The following LOC400499 variants were observed in gnomAD, a reference collection of about 807,000 sequenced individuals.
the LOC400499 span, among the ~76,000 whole-genome samples, chr16:11,519,416 C>T: frequency 1.3e-5 from 2 of 151,878 alleles, no homozygotes; most frequent in East Asian, 1.9e-4. Flanking sequence ...TGGAAAATAT[C>T]CTCCCTAAAT....
chr16:11,372,750 A>T, the LOC400499 span: 1 of 983,038 alleles, frequency 1.0e-6, no homozygotes, highest in African/African-American at 1.7e-5. Flanking sequence ...TGTAAAGGAG[A>T]GAGAAAAGTA....
At chr16:11,407,968 C>CTCTTTTT in the LOC400499 span, among the ~76,000 whole-genome samples, 2 of 116,200 alleles carry the variant, frequency 1.7e-5, no homozygotes, top group African/African-American at 6.8e-5. Context: ...TGTTCCAGAG[C>CTCTTTTT]TGTTTTTTTT....
At chr16:11,446,386 G>A in the LOC400499 span, among the ~76,000 whole-genome samples, 4 of 151,998 alleles carry the variant, frequency 2.6e-5, no homozygotes, top group Non-Finnish European at 4.4e-5. Flanking sequence ...TCAAACTCCT[G>A]GTCTTAAGCG....
At chr16:11,444,509 G>T in the LOC400499 span, among the ~76,000 whole-genome samples, 1 of 152,174 alleles carries the variant, frequency 6.6e-6, no homozygotes, top group Non-Finnish European at 1.5e-5. Flanking sequence ...CGTTCATTAC[G>T]TATTATTCAC....
the LOC400499 span, chr16:11,383,541 A>C: frequency 8.5e-7 from 1 of 1,174,082 alleles, no homozygotes. Flanking sequence ...TTGAATGACA[A>C]TTATTTGTCC....
chr16:11,386,211 C>G, the LOC400499 span, among the ~76,000 whole-genome samples: 829 of 152,196 alleles, frequency 5.4e-3, 7 homozygotes, highest in African/African-American at 0.019. Flanking sequence ...AGAAGGAGGT[C>G]TGACCAGTCT....
At chr16:11,507,405 C>A in the LOC400499 span, among the ~76,000 whole-genome samples, 1 of 152,190 alleles carries the variant, frequency 6.6e-6, no homozygotes, top group Non-Finnish European at 1.5e-5. Flanking sequence ...TCGGTGTCCA[C>A]AGCACCCAGG....
chr16:11,389,685 CAAAA>C, the LOC400499 span, among the ~76,000 whole-genome samples: 36 of 59,058 alleles, frequency 6.1e-4, no homozygotes, highest in African/African-American at 1.5e-3. Flanking sequence ...AACTCCATCT[CAAAA>C]AAAAAAAAAA....
At chr16:11,438,607 CAAAAAAAAAAAA>C in the LOC400499 span, among the ~76,000 whole-genome samples, 2 of 59,850 alleles carry the variant, frequency 3.3e-5, no homozygotes, top group Non-Finnish European at 6.0e-5. Context: ...CCTGTCTCTG[CAAAAAAAAAAAA>C]AAAAAAAAAA....
At chr16:11,456,396 G>T in the LOC400499 span, among the ~76,000 whole-genome samples, 1 of 151,976 alleles carries the variant, frequency 6.6e-6, no homozygotes. Flanking sequence ...GAGACACAAA[G>T]ATCTGCAAAT....
At chr16:11,391,039 T>C in the LOC400499 span, among the ~76,000 whole-genome samples, 122,049 of 152,214 alleles carry the variant, frequency 0.8, 49,907 homozygotes, top group Middle Eastern at 0.91. Flanking sequence ...AAATCACAGC[T>C]GTGAATAGCG....
chr16:11,417,497 T>G, the LOC400499 span: 4 of 397,552 alleles, frequency 1.0e-5, no homozygotes, highest in Non-Finnish European at 1.3e-5. Flanking sequence ...CAAGGCTGTC[T>G]TGGTTGTCCT....
At chr16:11,428,993 C>T in the LOC400499 span, among the ~76,000 whole-genome samples, 10 of 151,996 alleles carry the variant, frequency 6.6e-5, no homozygotes, top group Admixed American at 2.0e-4. Flanking sequence ...CTAGGAAAAT[C>T]CGGCACTGAA....
At chr16:11,515,439 G>A in the LOC400499 span, among the ~76,000 whole-genome samples, 1 of 152,038 alleles carries the variant, frequency 6.6e-6, no homozygotes, top group African/African-American at 2.4e-5. Flanking sequence ...CTGGGTGACA[G>A]AGTGGGACTC....
At chr16:11,408,620 C>T in the LOC400499 span, among the ~76,000 whole-genome samples, 657 of 152,128 alleles carry the variant, frequency 4.3e-3, 7 homozygotes, top group African/African-American at 0.015. Flanking sequence ...TACACACCAC[C>T]ATGCCTGGCT....
At chr16:11,515,482 C>T in the LOC400499 span, among the ~76,000 whole-genome samples, 1 of 144,494 alleles carries the variant, frequency 6.9e-6, no homozygotes, top group Non-Finnish European at 1.5e-5. Flanking sequence ...TACGTACGTA[C>T]ATACATACAT....
the LOC400499 span, among the ~76,000 whole-genome samples, chr16:11,519,311 G>A: frequency 1.3e-5 from 2 of 152,204 alleles, no homozygotes; most frequent in African/African-American, 4.8e-5. Flanking sequence ...TGCCCATGAT[G>A]AGGACTTGGA....
the LOC400499 span, chr16:11,469,716 C>T: frequency 1.0e-5 from 4 of 398,960 alleles, no homozygotes; most frequent in African/African-American, 8.2e-5. Flanking sequence ...CTGTACCCTT[C>T]AGACACTCAC....
chr16:11,520,485 C>G, the LOC400499 span, among the ~76,000 whole-genome samples: 68 of 152,232 alleles, frequency 4.5e-4, no homozygotes, highest in African/African-American at 1.4e-3. Context: ...GGTAAAATCT[C>G]ATCTCTACTA....
Sources: allele counts gnomAD v4.1 joint callset (sites outside exome capture counted in the v4.1 genomes callset), GRCh38; gene constraint gnomAD v4.1.1; transcripts MANE v1.5.